LLGL2: variants seen among roughly 807,000 people sequenced by gnomAD.
The protein encoded by LLGL2 is LLGL2, scribble cell polarity complex component.
LLGL2 carries 81 observed loss-of-function variants against 123.2 expected under a neutral mutation model. The ratio of observed to expected loss-of-function variants is 0.66; its 90% CI spans 0.55 to 0.79. The LOEUF (loss-of-function observed/expected upper bound fraction) is 0.79, where lower values mean the gene tolerates loss of function less well. Among genes scored for constraint, LLGL2 ranks in the 30% least tolerant of loss-of-function variants. The pLI is 0.00. For missense variants in LLGL2, 1,273 were observed against 1,414.6 expected (o/e 0.90, Z 1.61); for synonymous variants, 577 against 594.1 (o/e 0.97, Z 0.42).
chr17:75,533,071 C>A (rs1390663774), intron 1 of LLGL2, among the ~76,000 whole-genome samples: 2 of 151,968 alleles, frequency 1.3e-5, no homozygotes, highest in African/African-American at 4.8e-5. Context: ...GCGATCTCGG[C>A]TCACTGCAAG....
chr17:75,562,749 T>C (rs1344795204), intron 6 of LLGL2: 2 of 485,560 alleles, frequency 4.1e-6, no homozygotes, highest in Admixed American at 3.3e-5. Context: ...TTTATATTTT[T>C]AGTAGAGACA....
chr17:75,531,215 C>T (rs1017534712), intron 1 of LLGL2, among the ~76,000 whole-genome samples: 5 of 152,144 alleles, frequency 3.3e-5, no homozygotes, highest in Non-Finnish European at 7.4e-5. Flanking sequence ...GACTTCCTGG[C>T]CCCGGGACCC....
intron 19 of LLGL2, among the ~76,000 whole-genome samples, chr17:75,572,460 G>A (rs1483282441): frequency 1.3e-5 from 2 of 152,258 alleles, no homozygotes; most frequent in Non-Finnish European, 1.5e-5. Flanking sequence ...TCAGGAGATC[G>A]AGACCATCCT....
chr17:75,549,685 G>A lies in LLGL2; in HGVS notation c.75+6184G>A, dbSNP rs935017090. On this transcript the variant is annotated intron_variant, in intron 2 of 25. Transcript: ENST00000392550. The surrounding 1 kb of genome is among the most constrained non-coding windows in gnomAD (Gnocchi z 4.0). ...CCAGGCAGGAGTGCTCCCCCAAGGT[G>A]CTGGGCAGCCTCTGAGGGCCTGGTG... 4.5e-4 allele frequency among the ~76,000 whole-genome samples: 69 copies of A among 152,308 alleles called. No individual in the cohort carries two copies. Among genetic ancestry groups the A allele is most frequent in the African/African-American group, 1.5e-3 (61 of 41,564 alleles).
rs2055037050 is a variant in LLGL2 at position 75,558,761 on chromosome 17, C to T, written c.371+134C>T. On this transcript the variant is annotated intron_variant, in intron 5 of 25. Transcript: ENST00000392550. This position sits in a 1 kb window ranked among gnomAD's most constrained non-coding sequence, Gnocchi z 4.0. Reference sequence around the variant, plus strand: ...CTGGCATGCGTTTGGCCCGATGCATCGCCACACTCAGGTGCTCCGAGTGGA... The same window carrying T: ...CTGGCATGCGTTTGGCCCGATGCATTGCCACACTCAGGTGCTCCGAGTGGA... The T allele has an allele frequency of 5.6e-6, 4 of 712,910 alleles. No homozygotes were observed. The highest frequency in any genetic ancestry group is 2.3e-5 in the Admixed American group (1 of 44,018). 44.2% of individuals were successfully genotyped at this position (712,910 alleles called of 1,614,324 possible).
In LLGL2 at chr17:75,558,482, C is replaced by A; in HGVS notation, c.256-30C>A. 1 of 1,539,886 alleles carries A rather than the reference C, an allele frequency of 6.5e-7. No homozygotes were observed. ...TAAAGGCCTTGCCTGGGTAGCAAGA[C>A]CACATGATCCCGTCGTGTGCCCTCG... is the stretch of plus-strand genomic sequence containing the variant. On this transcript the variant is annotated intron_variant, in intron 4 of 25. Coordinates refer to ENST00000392550, the MANE Select transcript of LLGL2 (RefSeq NM_001031803.2). The surrounding 1 kb of genome is among the most constrained non-coding windows in gnomAD (Gnocchi z 4.0).
intron 2 of LLGL2, among the ~76,000 whole-genome samples, chr17:75,546,759 CG>C (rs2054446504): frequency 6.7e-4 from 9 of 13,410 alleles, no homozygotes; most frequent in Non-Finnish European, 1.3e-3. Context: ...AGCAGACAGG[CG>C]GAGGGCAGGT....
Position 75,564,732 on chromosome 17 carries a change from C to T in LLGL2, c.1036+225C>T. On this transcript the variant is annotated intron_variant, in intron 10 of 25. Transcript: ENST00000392550. The surrounding 1 kb of genome is among the most constrained non-coding windows in gnomAD (Gnocchi z 4.9). The stretch of plus-strand genomic sequence containing the variant: ...TAAAAAAATTAGCCAGGTGTTGTGG[C>T]ACGTACCTGTAGTCCTAGCTACTCA... 1 of 619,798 alleles carries T rather than the reference C, an allele frequency of 1.6e-6. No individual in the cohort carries two copies. Among genetic ancestry groups the T allele is most frequent in the South Asian group, 2.7e-5 (1 of 37,108 alleles). The allele number at this position is 619,798 out of a possible 1,614,324, so 38.4% of individuals were successfully genotyped here.
intron 3 of LLGL2, among the ~76,000 whole-genome samples, chr17:75,557,609 C>T (rs1000892985): frequency 6.6e-5 from 10 of 152,186 alleles, no homozygotes; most frequent in South Asian, 4.1e-4. Flanking sequence ...CCCCTCTGCC[C>T]GGTGTGGGGG....
At position 75,569,111 on chromosome 17, in the gene LLGL2, G is replaced by A. The variant is rs577695423; in HGVS notation, c.1456G>A (p.Glu486Lys). ...GAACTTCAGTGCCCAGGGCGAGGAC[G>A]AGTGGCCCCCACTCCGCAAGGTGAG... ...NENFSAQGED[E>K]WPPLRKVGSF... is the part of the protein sequence containing the mutation. Residue 486 changes from glutamate to lysine, a missense_variant, in exon 13 of 26, where the codon GAG becomes AAG. Glu to Lys is a moderately conservative substitution (Grantham distance 56, BLOSUM62 1). Transcript: ENST00000392550. 3.8e-5 allele frequency: 61 copies of A among 1,613,438 alleles called. No homozygotes were observed. The highest frequency in any genetic ancestry group is 3.3e-4 in the South Asian group (30 of 91,046).
intron 2 of LLGL2, among the ~76,000 whole-genome samples, chr17:75,553,036 CA>C (rs1203022620): frequency 1.3e-5 from 2 of 152,232 alleles, no homozygotes; most frequent in African/African-American, 4.8e-5. Flanking sequence ...GAGGCCCCAG[CA>C]ACCTGGGGCT....
In LLGL2 at chr17:75,573,524, C is replaced by G. The variant is rs754583589; in HGVS notation, c.2769C>G (p.Leu923=). ...ISPSEFERFS[L]STKWLVEPRC... ...CCTCGGAGTTTGAGCGCTTCTCTCTCTCCACCAAGTGGCTGGTGGAGCCCC... is the reference window on the plus strand; with the variant it reads ...CCTCGGAGTTTGAGCGCTTCTCTCTGTCCACCAAGTGGCTGGTGGAGCCCC... Residue 923 remains leucine (L), a synonymous_variant, in exon 21 of 26, where the codon CTC becomes CTG. Coordinates refer to ENST00000392550, the MANE Select transcript of LLGL2 (RefSeq NM_001031803.2). 1.2e-6 allele frequency: 2 copies of G among 1,612,956 alleles called. No homozygotes were observed. The highest frequency in any genetic ancestry group is 1.7e-4 in the Middle Eastern group (1 of 6,060).
chr17:75,551,865 A>G (rs1000014367), intron 2 of LLGL2, among the ~76,000 whole-genome samples: 20 of 152,248 alleles, frequency 1.3e-4, no homozygotes, highest in Non-Finnish European at 1.6e-4. Context: ...GCGGTGGCTC[A>G]CGCCTGTAAT....
chr17:75,556,998 C>T (rs2054941195), intron 3 of LLGL2, among the ~76,000 whole-genome samples: 1 of 150,184 alleles, frequency 6.7e-6, no homozygotes, highest in African/African-American at 2.5e-5. Context: ...CACTGCACTC[C>T]AGCCTGGGCA....
intron 1 of LLGL2, among the ~76,000 whole-genome samples, chr17:75,537,393 T>G (rs1327853023): frequency 6.6e-6 from 1 of 152,038 alleles, no homozygotes; most frequent in East Asian, 1.9e-4. Context: ...CCTTTACCCC[T>G]TAGGATAAAA....
chr17:75,570,616 G>T, intron 16 of LLGL2, 118 bp downstream of exon 16: 1 of 1,284,930 alleles, frequency 7.8e-7, no homozygotes, highest in South Asian at 1.5e-5. Flanking sequence ...CAAGATTCAG[G>T]GTCCAGGTCG....
chr17:75,532,079 T>TACACACACACAC (rs1555648021), intron 1 of LLGL2, among the ~76,000 whole-genome samples: 38 of 27,534 alleles, frequency 1.4e-3, no homozygotes, highest in Non-Finnish European at 3.4e-3. Context: ...CACACACACT[T>TACACACACACAC]TTTTTTTTTT....
chr17:75,573,557 G>C lies in LLGL2; in HGVS notation c.2802G>C (p.Leu934=), dbSNP rs1481551284. Residue 934 remains leucine (L), a synonymous_variant, in exon 21 of 26, where the codon CTG becomes CTC. Transcript: ENST00000392550. Reference sequence around the variant, plus strand: ...AGTGGCTGGTGGAGCCCCGGTGTCTGGTGGATTCAGCAGAAACCAAGAACC... The same window carrying C: ...AGTGGCTGGTGGAGCCCCGGTGTCTCGTGGATTCAGCAGAAACCAAGAACC... The part of the protein sequence containing the change: ...STKWLVEPRC[L]VDSAETKNHR... 1 of 1,612,908 alleles carries C rather than the reference G, an allele frequency of 6.2e-7. No individual in the cohort carries two copies.
In LLGL2 at chr17:75,563,473, T is replaced by C. The variant is rs778294856; in HGVS notation, c.826+10T>C. On this transcript the variant is annotated intron_variant, in intron 8 of 25. Transcript: ENST00000392550. ...AGCCTCGTGCCTTACGGTCAGTGTT[T>C]CACCCGCCGGGCAGGGCCCACCCCC... is the stretch of plus-strand genomic sequence containing the variant. 5 of 1,611,778 alleles carry C rather than the reference T, an allele frequency of 3.1e-6. 1 individual carries two copies. In the South Asian group the frequency reaches 5.5e-5, roughly 18 times the overall value.
Sources: gnomAD v4.1 joint callset for allele counts (sites outside exome capture counted in the v4.1 genomes callset) on GRCh38, gnomAD v4.1.1 for gene constraint, Gnocchi (gnomAD v3.1) non-coding constraint, MANE v1.5 for transcripts, NCBI Gene and HGNC (gene_info 2026-07-23, HGNC 2026-07-21) for gene names.